KIAA1958: variants seen among roughly 807,000 people sequenced by gnomAD.
KIAA1958 encodes the protein uncharacterized protein KIAA1958.
KIAA1958 carries 14 observed loss-of-function variants against 47.2 expected under a neutral mutation model. The ratio of observed to expected loss-of-function variants is 0.30; its 90% CI spans 0.20 to 0.46. The LOEUF is 0.46. Ranked by LOEUF, KIAA1958 falls within the 20% of genes least tolerant of loss-of-function variation. The pLI, the probability that KIAA1958 is intolerant of heterozygous loss-of-function variation, is 1.00. For synonymous variants in KIAA1958, 354 were observed against 353.3 expected (o/e 1.00, Z -0.02); for missense variants, 803 against 909.2 (o/e 0.88, Z 1.50).
rs915790859 is a variant in KIAA1958 at position 112,664,321 on chromosome 9, A to G, written c.*4252A>G. The G allele has an allele frequency of 6.6e-6, 1 of 152,260 alleles. No homozygotes were observed. The highest frequency in any genetic ancestry group is 2.4e-5 in the African/African-American group (1 of 41,474). 9.4% of individuals were successfully genotyped at this position (152,260 alleles called of 1,614,324 possible). A position where few individuals can be genotyped will look rare whatever the true frequency, so the allele number is the denominator to read the frequency against. On this transcript the variant is annotated 3_prime_UTR_variant, in exon 4 of 4. Transcript: ENST00000337530. ...AGTTTAGGCTAACACAGTCCACACC[A>G]TTACCACTTAAATAAAGTAACCGAA...
intron 2 of KIAA1958, among the ~76,000 whole-genome samples, chr9:112,645,226 A>G (rs1836956328): frequency 6.6e-6 from 1 of 151,742 alleles, no homozygotes; most frequent in Non-Finnish European, 1.5e-5. Context: ...CAAATAAATG[A>G]TAGGTCTTCA....
chr9:112,639,811 G>A (rs1010584302), intron 2 of KIAA1958, among the ~76,000 whole-genome samples: 1 of 152,094 alleles, frequency 6.6e-6, no homozygotes, highest in African/African-American at 2.4e-5. Flanking sequence ...ACATACTGTG[G>A]TATAAATGTC....
intron 1 of KIAA1958, among the ~76,000 whole-genome samples, chr9:112,567,440 TC>T (rs1835444400): frequency 6.6e-6 from 1 of 152,142 alleles, no homozygotes; most frequent in Non-Finnish European, 1.5e-5. Flanking sequence ...CCTCTGTAGT[TC>T]CAGTCATCCT....
intron 2 of KIAA1958, among the ~76,000 whole-genome samples, chr9:112,634,293 A>G (rs1448495423): frequency 1.3e-5 from 2 of 152,096 alleles, no homozygotes; most frequent in African/African-American, 4.8e-5. Context: ...CAGTGGCGCA[A>G]TCTCGGCTCC....
At chr9:112,579,561 C>T (rs1480992996) in intron 2 of KIAA1958, among the ~76,000 whole-genome samples, 2 of 151,902 alleles carry the variant, frequency 1.3e-5, no homozygotes, top group African/African-American at 4.8e-5. Flanking sequence ...ATTATTGGGT[C>T]TCTTTCTTGT....
chr9:112,516,856 C>T (rs1042490648), intron 1 of KIAA1958, among the ~76,000 whole-genome samples: 5 of 152,200 alleles, frequency 3.3e-5, no homozygotes, highest in Admixed American at 6.5e-5. Flanking sequence ...TTCACAGAGG[C>T]TCCAGTGCAG....
chr9:112,641,327 C>CTT (rs1230148640), intron 2 of KIAA1958, among the ~76,000 whole-genome samples: 36 of 101,950 alleles, frequency 3.5e-4, no homozygotes, highest in African/African-American at 8.3e-4. Flanking sequence ...GAGACTATGT[C>CTT]TTTTTTTTTT....
rs58657645 is a variant in KIAA1958 at position 112,557,186 on chromosome 9, C to T, written c.-24-16871C>T. Among the ~76,000 whole-genome samples the T allele has an allele frequency of 8.2e-3, 1,252 of 152,124 alleles. 18 individuals carry two copies. The highest frequency in any genetic ancestry group is 0.028 in the African/African-American group (1,143 of 41,490). ...TATTACCTAGGCTGGCCTTGAATAC[C>T]CAGGCTTAAGCAGTCCTCCCTGGTT... On this transcript the variant is annotated intron_variant, in intron 1 of 3. Transcript: ENST00000337530.
At chr9:112,519,952 A>G (rs1367528607) in intron 1 of KIAA1958, among the ~76,000 whole-genome samples, 5 of 152,168 alleles carry the variant, frequency 3.3e-5, no homozygotes, top group African/African-American at 1.2e-4. Flanking sequence ...TAATTATACA[A>G]TATTGCAGGA....
intron 2 of KIAA1958, among the ~76,000 whole-genome samples, chr9:112,597,577 C>A (rs999646271): frequency 6.6e-6 from 1 of 152,146 alleles, no homozygotes; most frequent in Admixed American, 6.5e-5. Context: ...TTTATTCCTC[C>A]AAAAACTTCA....
rs192118669 is a variant in KIAA1958, at chr9:112,648,853, G to A, written c.1344+3031G>A. Among the ~76,000 whole-genome samples, 173 of 152,250 alleles carry A rather than the reference G, an allele frequency of 1.1e-3. 4 individuals are homozygous for A. The highest frequency in any genetic ancestry group is 8.8e-3 in the Admixed American group (134 of 15,304). ...AGCATCTAAACAAAAATTATCAGAC[G>A]TGCAATGAAGCAAGAAAATACATCC... On this transcript the variant is annotated intron_variant, in intron 3 of 3. Transcript: ENST00000337530.
intron 1 of KIAA1958, among the ~76,000 whole-genome samples, chr9:112,519,866 A>C (rs183418275): frequency 6.6e-6 from 1 of 152,330 alleles, no homozygotes; most frequent in East Asian, 1.9e-4. Flanking sequence ...TATTCATGTA[A>C]TTGTTGTATT....
At chr9:112,558,152 G>A (rs1283881305) in intron 1 of KIAA1958, among the ~76,000 whole-genome samples, 1 of 151,992 alleles carries the variant, frequency 6.6e-6, no homozygotes, top group Non-Finnish European at 1.5e-5. Context: ...TTGAACCCGG[G>A]AGGCGGAAAT....
Position 112,575,155 on chromosome 9 carries a change from C to G in KIAA1958, c.1075C>G (p.Pro359Ala). The change falls in exon 2 of 4, where the codon CCC becomes GCC. Residue 359 changes from proline (P) to alanine (A), a missense_variant. Transcript: ENST00000337530. ...CTCCTCCTGTGAGGTAGCCCTTTCT[C>G]CCTCAGTTAACACAGAGCCAGAAGT... ...QVSSCEVALSPSVNTEPEVSS... is the reference protein window; with the variant it reads ...QVSSCEVALSASVNTEPEVSS... 1 of 1,600,570 alleles carries G rather than the reference C, an allele frequency of 6.2e-7. No homozygotes were observed.
chr9:112,504,443 C>T (rs1001591257), intron 1 of KIAA1958, among the ~76,000 whole-genome samples: 13 of 152,338 alleles, frequency 8.5e-5, no homozygotes, highest in African/African-American at 3.1e-4. Context: ...CCGGCCTCGG[C>T]CTCCCGAAGT....
chr9:112,489,812 CT>C (rs1833931906), intron 1 of KIAA1958, among the ~76,000 whole-genome samples: 1 of 152,150 alleles, frequency 6.6e-6, no homozygotes, highest in South Asian at 2.1e-4. Context: ...AATCCATGGA[CT>C]TTTCTAGCAT....
chr9:112,652,715 G>A (rs569107075), intron 3 of KIAA1958, among the ~76,000 whole-genome samples: 35 of 152,254 alleles, frequency 2.3e-4, no homozygotes, highest in African/African-American at 7.9e-4. Context: ...TACCTCCGGG[G>A]TTCAAGTGAT....
intron 1 of KIAA1958, among the ~76,000 whole-genome samples, chr9:112,547,603 C>G (rs1178955930): frequency 3.3e-5 from 5 of 149,780 alleles, no homozygotes; most frequent in Middle Eastern, 3.4e-3. Flanking sequence ...AAAACAGACT[C>G]TTTGTAGCAG....
chr9:112,632,606 A>G (rs539315749), intron 2 of KIAA1958, among the ~76,000 whole-genome samples: 1 of 152,150 alleles, frequency 6.6e-6, no homozygotes, highest in African/African-American at 2.4e-5. Flanking sequence ...CTATTTTTTA[A>G]TGCATTTTGT....
Sources: gnomAD v4.1 joint callset for allele counts (sites outside exome capture counted in the v4.1 genomes callset) on GRCh38, gnomAD v4.1.1 for gene constraint, MANE v1.5 for transcripts, NCBI Gene and HGNC (gene_info 2026-07-23, HGNC 2026-07-21) for gene names.